XIRP2: variants seen among roughly 807,000 people sequenced by gnomAD.
The protein encoded by XIRP2 is xin actin-binding repeat-containing protein 2.
A neutral mutation model predicts 277.0 loss-of-function variants in XIRP2; 236 were observed. The ratio of observed to expected loss-of-function variants is 0.85; its 90% CI spans 0.77 to 0.95. The LOEUF (loss-of-function observed/expected upper bound fraction) is 0.95. Among genes scored for constraint, XIRP2 ranks in the 40% least tolerant of loss-of-function variants. XIRP2 has a pLI of 0.00. For synonymous variants in XIRP2, 1,490 were observed against 1,416.5 expected (o/e 1.05, Z -1.17); for missense variants, 4,640 against 4,157.5 (o/e 1.12, Z -3.19).
At chr2:167,020,878 G>T (rs944482170) in intron 2 of XIRP2, among the ~76,000 whole-genome samples, 30 of 151,816 alleles carry the variant, frequency 2.0e-4, no homozygotes, top group Admixed American at 9.2e-4. Flanking sequence ...TTAATTTACT[G>T]TTATTAAAGT....
intron 9 of XIRP2, among the ~76,000 whole-genome samples, chr2:167,253,489 GTCA>G (rs1240377045): frequency 6.6e-6 from 1 of 151,784 alleles, no homozygotes. Context: ...TCAACTCTAA[GTCA>G]TCAAGAAAAT....
chr2:167,126,253 C>T (rs1402234190), intron 2 of XIRP2, among the ~76,000 whole-genome samples: 1 of 152,028 alleles, frequency 6.6e-6, no homozygotes, highest in Non-Finnish European at 1.5e-5. Context: ...ACGGTAGTCT[C>T]AGATATAATC....
chr2:167,052,062 A>G (rs1020724923), intron 2 of XIRP2, among the ~76,000 whole-genome samples: 6 of 152,080 alleles, frequency 3.9e-5, no homozygotes, highest in African/African-American at 1.4e-4. Flanking sequence ...CAAGCTAAGG[A>G]TATAAAGTCA....
intron 2 of XIRP2, among the ~76,000 whole-genome samples, chr2:167,051,914 T>C (rs1350593322): frequency 6.6e-6 from 1 of 152,074 alleles, no homozygotes; most frequent in Non-Finnish European, 1.5e-5. Context: ...TTAAAATCCA[T>C]TTCTTGAAAA....
intron 3 of XIRP2, among the ~76,000 whole-genome samples, chr2:167,156,712 G>C (rs921434633): frequency 4.6e-5 from 7 of 152,108 alleles, no homozygotes; most frequent in African/African-American, 7.2e-5. Context: ...GCAAAACATT[G>C]TATCAAATAC....
intron 2 of XIRP2, among the ~76,000 whole-genome samples, chr2:167,036,359 G>C (rs1222121372): frequency 2.6e-5 from 4 of 152,204 alleles, no homozygotes; most frequent in Non-Finnish European, 5.9e-5. Context: ...AGCTCCCCAA[G>C]ACCATGGGAA....
chr2:167,024,257 C>T (rs901740873), intron 2 of XIRP2, among the ~76,000 whole-genome samples: 3 of 152,032 alleles, frequency 2.0e-5, no homozygotes, highest in African/African-American at 7.3e-5. Flanking sequence ...CTCTGTTTGT[C>T]TGTTATTGGT....
chr2:167,099,935 C>T (rs927301855), intron 2 of XIRP2, among the ~76,000 whole-genome samples: 22 of 152,116 alleles, frequency 1.4e-4, no homozygotes, highest in African/African-American at 4.8e-4. Flanking sequence ...AGCTGCAGAC[C>T]GGAGCCGTTC....
chr2:167,214,139 A>AAGC (rs1559023928), intron 4 of XIRP2, among the ~76,000 whole-genome samples: 4 of 113,472 alleles, frequency 3.5e-5, no homozygotes, highest in East Asian at 2.4e-4. Flanking sequence ...GGAAGGAAGC[A>AAGC]AAGAGAAAGA....
intron 2 of XIRP2, among the ~76,000 whole-genome samples, chr2:167,115,391 G>T (rs762211879): frequency 2.3e-4 from 35 of 152,098 alleles, no homozygotes; most frequent in Non-Finnish European, 4.9e-4. Context: ...GCTTGCTGGG[G>T]AACTAATGCA....
chr2:167,066,838 G>A (rs1431190802), intron 2 of XIRP2, among the ~76,000 whole-genome samples: 1 of 152,092 alleles, frequency 6.6e-6, no homozygotes, highest in Non-Finnish European at 1.5e-5. Context: ...TTGACAGCAT[G>A]GCTGAACCTG....
chr2:167,002,583 T>G (rs1014194040), intron 2 of XIRP2, among the ~76,000 whole-genome samples: 4 of 152,016 alleles, frequency 2.6e-5, no homozygotes, highest in Non-Finnish European at 1.5e-5. Context: ...CTTCTCCATT[T>G]CTAAAAGAGA....
intron 2 of XIRP2, among the ~76,000 whole-genome samples, chr2:167,013,794 T>G (rs909086129): frequency 6.6e-6 from 1 of 151,538 alleles, no homozygotes; most frequent in Non-Finnish European, 1.5e-5. Context: ...TTATTTTAGC[T>G]TTGAATTTAT....
At chr2:167,097,968 G>A (rs958261203) in intron 2 of XIRP2, among the ~76,000 whole-genome samples, 3 of 152,118 alleles carry the variant, frequency 2.0e-5, no homozygotes, top group African/African-American at 7.2e-5. Context: ...TCTTTCTCTG[G>A]CTGCCCTTAA....
Position 167,109,353 on chromosome 2 carries a change from T to C in XIRP2, c.409-26556T>C, listed in dbSNP as rs1558983080. 2.0e-5 allele frequency among the ~76,000 whole-genome samples: 3 copies of C among 152,282 alleles called. No individual in the cohort carries two copies. The South Asian group carries it at 6.2e-4, about 32-fold the overall frequency. On this transcript the variant is annotated intron_variant, in intron 2 of 10. Coordinates refer to ENST00000409195, the MANE Select transcript of XIRP2 (RefSeq NM_152381.6). ...TGGAGTGCAGTGATACAATCTCAGC[T>C]CACTGCAACCTCTGCCTCCAGGGTT...
rs201385307 is a variant in XIRP2 at position 167,244,043 on chromosome 2, T to A, written c.2651T>A (p.Ile884Asn). ...TTKHLFETLP[I>N]EALKDSPDIG... ...AAGCATCTATTTGAAACACTTCCAATTGAAGCATTAAAAGACAGTCCTGAT... is the reference window on the plus strand; with the variant it reads ...AAGCATCTATTTGAAACACTTCCAAATGAAGCATTAAAAGACAGTCCTGAT... The change falls in exon 9 of 11, where the codon ATT (isoleucine) becomes AAT (asparagine). Residue 884 changes from isoleucine to asparagine, a missense_variant. Ile to Asn is a moderately radical substitution (Grantham distance 149). Coordinates refer to ENST00000409195, the MANE Select transcript of XIRP2 (RefSeq NM_152381.6). The A allele has an allele frequency of 6.8e-6, 11 of 1,613,732 alleles. No individual in the cohort carries two copies. The African/African-American group carries it at 1.5e-4, about 22-fold the overall frequency.
At chr2:167,095,030 C>T (rs897713262) in intron 2 of XIRP2, among the ~76,000 whole-genome samples, 4 of 152,154 alleles carry the variant, frequency 2.6e-5, no homozygotes, top group Admixed American at 1.3e-4. Flanking sequence ...AGAGGTCCTT[C>T]ACATCCCTTG....
At chr2:166,944,679 T>C (rs897028100) in intron 2 of XIRP2, among the ~76,000 whole-genome samples, 2 of 152,082 alleles carry the variant, frequency 1.3e-5, no homozygotes, top group African/African-American at 4.8e-5. Context: ...CATAATTCAA[T>C]ATATGCTAGG....
intron 2 of XIRP2, among the ~76,000 whole-genome samples, chr2:167,009,295 T>C (rs554563625): frequency 6.8e-6 from 1 of 146,246 alleles, no homozygotes; most frequent in African/African-American, 2.5e-5. Flanking sequence ...TTCCCACCTA[T>C]GAGTGAGAAT....
Sources: gnomAD v4.1 joint callset for allele counts (sites outside exome capture counted in the v4.1 genomes callset) on GRCh38, gnomAD v4.1.1 for gene constraint, MANE v1.5 for transcripts, NCBI Gene and HGNC (gene_info 2026-07-23, HGNC 2026-07-21) for gene names.